ARHGAP44: variants seen among roughly 807,000 people sequenced by gnomAD.
The protein encoded by ARHGAP44 is rho GTPase-activating protein 44.
A neutral mutation model predicts 106.8 loss-of-function variants in ARHGAP44; 43 were observed. The ratio of observed to expected loss-of-function variants is 0.40; its 90% CI spans 0.32 to 0.52. The LOEUF (loss-of-function observed/expected upper bound fraction) is 0.52, where lower values mean the gene tolerates loss of function less well. ARHGAP44 is among the 20% of genes least tolerant of loss of function. ARHGAP44 has a pLI of 0.48. For synonymous variants in ARHGAP44, 439 were observed against 410.3 expected (o/e 1.07, Z -0.85); for missense variants, 866 against 1,050.5 (o/e 0.82, Z 2.43).
chr17:12,901,290 G>A (rs1293025811), intron 3 of ARHGAP44, among the ~76,000 whole-genome samples: 1 of 152,162 alleles, frequency 6.6e-6, no homozygotes, highest in Non-Finnish European at 1.5e-5. Flanking sequence ...TGGGGAAGAC[G>A]TGACATGGGG....
At chr17:12,801,945 T>C (rs1449791067) in intron 1 of ARHGAP44, among the ~76,000 whole-genome samples, 4 of 152,276 alleles carry the variant, frequency 2.6e-5, no homozygotes, top group Non-Finnish European at 5.9e-5. Flanking sequence ...TCAGAATTTC[T>C]TAGAATGGTA....
intron 19 of ARHGAP44, among the ~76,000 whole-genome samples, chr17:12,982,297 C>T (rs1426072124): frequency 6.7e-6 from 1 of 148,248 alleles, no homozygotes; most frequent in East Asian, 2.1e-4. Flanking sequence ...ACAGATGGCA[C>T]ACTTAGCAGG....
chr17:12,944,289 TCCGG>T, intron 10 of ARHGAP44, 93 bp downstream of exon 10: 2 of 1,417,206 alleles, frequency 1.4e-6, no homozygotes, highest in South Asian at 1.7e-5. Flanking sequence ...CCATCTCCAC[TCCGG>T]CCCCCACGAA....
At chr17:12,888,736 T>C (rs978622926) in intron 1 of ARHGAP44, among the ~76,000 whole-genome samples, 1 of 152,356 alleles carries the variant, frequency 6.6e-6, no homozygotes, top group Middle Eastern at 3.4e-3. Context: ...CTTTTCATTG[T>C]ATCAGTTTTT....
intron 12 of ARHGAP44, among the ~76,000 whole-genome samples, chr17:12,950,648 C>G (rs191458959): frequency 6.6e-6 from 1 of 152,124 alleles, no homozygotes; most frequent in Admixed American, 6.5e-5. Flanking sequence ...CGAATGGACC[C>G]CCACACAACA....
intron 1 of ARHGAP44, among the ~76,000 whole-genome samples, chr17:12,893,257 C>A (rs1220377915): frequency 1.6e-4 from 24 of 152,112 alleles, no homozygotes; most frequent in Non-Finnish European, 3.5e-4. Context: ...CTCTACTGGG[C>A]CTCCACTGAT....
chr17:12,866,297 T>C (rs1386865619), intron 1 of ARHGAP44, among the ~76,000 whole-genome samples: 1 of 152,198 alleles, frequency 6.6e-6, no homozygotes, highest in Non-Finnish European at 1.5e-5. Flanking sequence ...AGAAGGCAAC[T>C]TACAGATCTG....
intron 1 of ARHGAP44, among the ~76,000 whole-genome samples, chr17:12,825,313 C>T (rs1426515060): frequency 2.7e-5 from 4 of 149,616 alleles, no homozygotes; most frequent in African/African-American, 1.0e-4. Context: ...GCTGGGATTA[C>T]AGCATGAGCC....
In ARHGAP44 at chr17:12,980,087, G is replaced by T; in HGVS notation, c.1793G>T (p.Gly598Val). The change falls in exon 19 of 21, where the codon GGC (glycine) becomes GTC (valine). Residue 598 changes from glycine (G) to valine (V), a missense_variant. Physicochemically the swap from Gly to Val is moderately radical, Grantham distance 109. Transcript: ENST00000379672. Reference protein sequence around the residue: ...STTKSKELSPGSAQKGSPGSS... With the variant: ...STTKSKELSPVSAQKGSPGSS... ...ACAAAAAGCAAGGAACTTTCTCCAG[G>T]CTCTGCACAGAAAGGAAGTCCAGGC... 1 of 1,612,636 alleles carries T rather than the reference G, an allele frequency of 6.2e-7. No homozygotes were observed. Among genetic ancestry groups the T allele is most frequent in the Non-Finnish European group, 8.5e-7 (1 of 1,179,124 alleles).
intron 1 of ARHGAP44, among the ~76,000 whole-genome samples, chr17:12,807,616 G>A (rs1205659307): frequency 2.0e-5 from 3 of 152,154 alleles, no homozygotes; most frequent in Non-Finnish European, 4.4e-5. Flanking sequence ...CACAGCATGG[G>A]AAAGACCCAT....
intron 1 of ARHGAP44, chr17:12,790,818 G>T (rs2033728668): frequency 1.3e-5 from 2 of 152,208 alleles, no homozygotes; most frequent in Admixed American, 6.5e-5. Context: ...AGGTAGAAGG[G>T]ATTTTTCCTG....
At chr17:12,867,253 A>G (rs749984074) in intron 1 of ARHGAP44, among the ~76,000 whole-genome samples, 8 of 152,026 alleles carry the variant, frequency 5.3e-5, no homozygotes, top group Non-Finnish European at 1.2e-4. Flanking sequence ...AAGCATTCAC[A>G]TTAATGTTTT....
At chr17:12,827,135 C>A (rs191169067) in intron 1 of ARHGAP44, among the ~76,000 whole-genome samples, 49 of 152,204 alleles carry the variant, frequency 3.2e-4, no homozygotes, top group Non-Finnish European at 7.4e-5. Flanking sequence ...TAACCCTGTT[C>A]TCTTATTTAT....
At chr17:12,916,406 T>C (rs541708131) in intron 5 of ARHGAP44, among the ~76,000 whole-genome samples, 4 of 152,056 alleles carry the variant, frequency 2.6e-5, no homozygotes, top group African/African-American at 9.6e-5. Context: ...TTTTTTGAGA[T>C]GGAGTCTTGC....
chr17:12,913,165 TATATAAC>T (rs1240566917), intron 4 of ARHGAP44, among the ~76,000 whole-genome samples: 1 of 152,142 alleles, frequency 6.6e-6, no homozygotes, highest in Admixed American at 6.5e-5. Context: ...TTTATTTTAA[TATATAAC>T]AGAAGAAAAA....
intron 1 of ARHGAP44, among the ~76,000 whole-genome samples, chr17:12,846,458 G>A (rs187061345): frequency 4.1e-4 from 63 of 152,108 alleles, no homozygotes; most frequent in Admixed American, 1.4e-3. Flanking sequence ...TTATACTTCT[G>A]TACATAAATA....
At chr17:12,855,505 T>C (rs913422268) in intron 1 of ARHGAP44, among the ~76,000 whole-genome samples, 1 of 141,608 alleles carries the variant, frequency 7.1e-6, no homozygotes, top group African/African-American at 2.7e-5. Flanking sequence ...TTTCTTCCCC[T>C]GATGTTTTTT....
chr17:12,920,302 G>A (rs555130226), intron 6 of ARHGAP44, among the ~76,000 whole-genome samples: 2 of 143,484 alleles, frequency 1.4e-5, no homozygotes, highest in Admixed American at 6.7e-5. Context: ...TGTGAACCGG[G>A]GAGGCGGAGC....
intron 1 of ARHGAP44, among the ~76,000 whole-genome samples, chr17:12,850,006 C>T (rs967382018): frequency 2.0e-5 from 3 of 152,152 alleles, no homozygotes; most frequent in Non-Finnish European, 4.4e-5. Context: ...TTATGCTTCA[C>T]TTTAAGGGCA....
Sources: allele counts gnomAD v4.1 joint callset (sites outside exome capture counted in the v4.1 genomes callset), GRCh38; gene constraint gnomAD v4.1.1; transcripts MANE v1.5; gene names NCBI Gene and HGNC (gene_info 2026-07-23, HGNC 2026-07-21).